Variants in ARHGAP20 observed in about 807,000 individuals in gnomAD.
ARHGAP20 encodes the protein Rho GTPase activating protein 20.
A neutral mutation model predicts 73.7 loss-of-function variants in ARHGAP20; 34 were observed. The ratio of observed to expected loss-of-function variants is 0.46; its 90% CI spans 0.35 to 0.61. ARHGAP20 has a LOEUF of 0.61. ARHGAP20 is among the 20% of genes least tolerant of loss of function. ARHGAP20 has a pLI of 0.00. For missense variants in ARHGAP20, 1,314 were observed against 1,420.9 expected (o/e 0.92, Z 1.21); for synonymous variants, 523 against 518.2 (o/e 1.01, Z -0.13).
intron 11 of ARHGAP20, among the ~76,000 whole-genome samples, chr11:110,588,800 T>G (rs1016922174): frequency 6.6e-6 from 1 of 152,118 alleles, no homozygotes; most frequent in Non-Finnish European, 1.5e-5. Flanking sequence ...TTCTTGGTTG[T>G]TAAAGAAAAT....
At chr11:110,692,766 T>A (rs1263033708) in intron 1 of ARHGAP20, among the ~76,000 whole-genome samples, 1 of 152,006 alleles carries the variant, frequency 6.6e-6, no homozygotes, top group Non-Finnish European at 1.5e-5. Context: ...AATCTCAAAA[T>A]TAATGCAGAA....
chr11:110,653,643 C>A (rs1949406095), intron 2 of ARHGAP20, among the ~76,000 whole-genome samples: 1 of 152,154 alleles, frequency 6.6e-6, no homozygotes, highest in South Asian at 2.1e-4. Context: ...ATTAGTTCAA[C>A]CATTGCGGAA....
At chr11:110,676,129 A>C (rs537357094) in intron 2 of ARHGAP20, among the ~76,000 whole-genome samples, 2 of 152,342 alleles carry the variant, frequency 1.3e-5, no homozygotes, top group South Asian at 2.1e-4. Context: ...AATCCATATA[A>C]TTGTATACAC....
chr11:110,636,637 T>C (rs1032509786), intron 2 of ARHGAP20, among the ~76,000 whole-genome samples: 2 of 152,166 alleles, frequency 1.3e-5, no homozygotes, highest in East Asian at 1.9e-4. Context: ...TGGTGAGAGA[T>C]GCCTGAAGAC....
intron 4 of ARHGAP20, among the ~76,000 whole-genome samples, chr11:110,620,032 AT>A (rs1948595672): frequency 6.6e-6 from 1 of 151,920 alleles, no homozygotes; most frequent in Admixed American, 6.6e-5. Context: ...TTTTATTTTT[AT>A]TTTTTTGAGA....
At chr11:110,612,370 G>A (rs1436876718) in intron 6 of ARHGAP20, among the ~76,000 whole-genome samples, 5 of 151,712 alleles carry the variant, frequency 3.3e-5, no homozygotes, top group Non-Finnish European at 5.9e-5. Flanking sequence ...GGAGCTTGCA[G>A]TGAGCCGAGA....
chr11:110,695,653 G>A (rs573530851), intron 1 of ARHGAP20, among the ~76,000 whole-genome samples: 115 of 151,476 alleles, frequency 7.6e-4, no homozygotes, highest in Non-Finnish European at 1.5e-3. Flanking sequence ...ACATTAGGAC[G>A]ACTATAATAA....
At chr11:110,661,731 TATAAC>T (rs1222127900) in intron 2 of ARHGAP20, among the ~76,000 whole-genome samples, 8 of 152,248 alleles carry the variant, frequency 5.3e-5, no homozygotes, top group Non-Finnish European at 1.5e-5. Context: ...AGTACTCTGA[TATAAC>T]ATATTAAGAC....
chr11:110,609,408 A>T (rs1429808288), intron 7 of ARHGAP20, among the ~76,000 whole-genome samples: 1 of 152,140 alleles, frequency 6.6e-6, no homozygotes, highest in African/African-American at 2.4e-5. Context: ...AAACACTGCT[A>T]TGTCTATGAT....
intron 4 of ARHGAP20, 106 bp downstream of exon 4, chr11:110,624,056 T>C: frequency 1.4e-6 from 2 of 1,393,414 alleles, no homozygotes; most frequent in Non-Finnish European, 1.9e-6. Flanking sequence ...AATATTTCCC[T>C]CTTAAAAATT....
Position 110,659,548 on chromosome 11 carries a change from G to A in ARHGAP20, c.189-28756C>T, listed in dbSNP as rs1159154637. On this transcript the variant is annotated intron_variant, in intron 2 of 14. Coordinates refer to ENST00000683387, the MANE Select transcript of ARHGAP20 (RefSeq NM_001384657.1). ...TGATGGTAGTTTCTTTTGCTGTGCA[G>A]AAGCTCTTTAGTTTAATTAGATCCC... 5.3e-5 allele frequency among the ~76,000 whole-genome samples: 8 copies of A among 151,898 alleles called. No homozygotes were observed. The East Asian group carries it at 1.5e-3, about 29-fold the overall frequency.
intron 2 of ARHGAP20, among the ~76,000 whole-genome samples, chr11:110,656,911 T>C (rs1949479900): frequency 6.6e-6 from 1 of 152,202 alleles, no homozygotes; most frequent in Non-Finnish European, 1.5e-5. Flanking sequence ...AACTTTTAAT[T>C]GATTTCTTTT....
At chr11:110,672,985 TA>T (rs1187464963) in intron 2 of ARHGAP20, among the ~76,000 whole-genome samples, 1 of 152,140 alleles carries the variant, frequency 6.6e-6, no homozygotes, top group Non-Finnish European at 1.5e-5. Flanking sequence ...CTCAACAGAA[TA>T]AACTAATTGT....
chr11:110,621,910 T>G (rs1227384526), intron 4 of ARHGAP20, among the ~76,000 whole-genome samples: 1 of 152,248 alleles, frequency 6.6e-6, no homozygotes, highest in African/African-American at 2.4e-5. Flanking sequence ...CTTGATTAGA[T>G]GAAGCTACAA....
At chr11:110,677,464 GGCAAGACA>G (rs1185381534) in intron 2 of ARHGAP20, among the ~76,000 whole-genome samples, 2 of 152,086 alleles carry the variant, frequency 1.3e-5, no homozygotes, top group East Asian at 3.9e-4. Context: ...GACCAGCCTT[GGCAAGACA>G]GCGAAACCCA....
chr11:110,653,270 T>A (rs933149491), intron 2 of ARHGAP20, among the ~76,000 whole-genome samples: 4 of 152,060 alleles, frequency 2.6e-5, no homozygotes, highest in African/African-American at 9.7e-5. Flanking sequence ...GAAACCATAA[T>A]CAGAGTGAAC....
intron 2 of ARHGAP20, among the ~76,000 whole-genome samples, chr11:110,672,455 T>TA (rs1949848037): frequency 6.6e-6 from 1 of 152,008 alleles, no homozygotes; most frequent in African/African-American, 2.4e-5. Flanking sequence ...GATGGCACCA[T>TA]ACACCCACCA....
At chr11:110,648,254 A>ATATATATATTTACAT (rs1555094986) in intron 2 of ARHGAP20, among the ~76,000 whole-genome samples, 1 of 81,874 alleles carries the variant, frequency 1.2e-5, no homozygotes, top group African/African-American at 4.5e-5. Flanking sequence ...TATATATGTA[A>ATATATATATTTACAT]ATATATATAT....
intron 2 of ARHGAP20, among the ~76,000 whole-genome samples, chr11:110,636,548 A>T (rs1238724406): frequency 2.0e-5 from 3 of 152,032 alleles, no homozygotes; most frequent in Non-Finnish European, 4.4e-5. Context: ...TGTCCGGGAG[A>T]ATTCACAATA....
Sources: gnomAD v4.1 joint callset for allele counts (sites outside exome capture counted in the v4.1 genomes callset) on GRCh38, gnomAD v4.1.1 for gene constraint, MANE v1.5 for transcripts, NCBI Gene and HGNC (gene_info 2026-07-23, HGNC 2026-07-21) for gene names.